Variants in HLA-E observed in about 807,000 individuals in gnomAD.
HLA-E encodes the protein major histocompatibility complex, class I, E, also known as HLA class I histocompatibility antigen, alpha chain E.
Under a neutral mutation model 43.4 loss-of-function variants are expected in HLA-E, and 25 were observed. The ratio of observed to expected loss-of-function variants is 0.58; its 90% CI spans 0.42 to 0.80. The LOEUF (loss-of-function observed/expected upper bound fraction) is 0.80. HLA-E is among the 30% of genes least tolerant of loss of function. HLA-E has a pLI of 0.00. For synonymous variants in HLA-E, 161 were observed against 197.6 expected (o/e 0.81, Z 1.55); for missense variants, 343 against 470.0 (o/e 0.73, Z 2.50).
rs560973068 is a variant in HLA-E, at chr6:30,490,053, C to A, written c.334+58C>A. 6.5e-7 allele frequency: 1 copy of A among 1,540,836 alleles called. No homozygotes were observed. Among genetic ancestry groups the A allele is most frequent in the African/African-American group, 1.4e-5 (1 of 73,390 alleles). On this transcript the variant is annotated intron_variant, in intron 2 of 7. Coordinates refer to ENST00000376630, the MANE Select transcript of HLA-E (RefSeq NM_005516.6). This position sits in a 1 kb window ranked among gnomAD's most constrained non-coding sequence, Gnocchi z 6.6. ...ACCCCTCCCCATCCCCCACGGACGGCGCGGGTCCCCTCGAATCTTCGGGTC... is the reference window on the plus strand; with the variant it reads ...ACCCCTCCCCATCCCCCACGGACGGAGCGGGTCCCCTCGAATCTTCGGGTC...
Position 30,491,712 on chromosome 6 carries a change from C to T in HLA-E, c.1003+59C>T. 1 of 1,412,364 alleles carries T rather than the reference C, an allele frequency of 7.1e-7. No individual in the cohort carries two copies. The highest frequency in any genetic ancestry group is 1.4e-5 in the African/African-American group (1 of 70,742). 87.5% of individuals were successfully genotyped at this position (1,412,364 alleles called of 1,614,324 possible). A position where few individuals can be genotyped will look rare whatever the true frequency, so the allele number is the denominator to read the frequency against. ...CTTGTCCCACTGGGTGTTTCAAGCC[C>T]TAGGTAAAAGTGTGTCCTGCCTCGT... On this transcript the variant is annotated intron_variant, in intron 5 of 7. Transcript: ENST00000376630. This position sits in a 1 kb window ranked among gnomAD's most constrained non-coding sequence, Gnocchi z 5.4.
chr6:30,489,820 G>T lies in HLA-E; in HGVS notation c.159G>T (p.Gln53His). The T allele has an allele frequency of 6.2e-7, 1 of 1,613,036 alleles. No homozygotes were observed. Among genetic ancestry groups the T allele is most frequent in the Non-Finnish European group, 8.5e-7 (1 of 1,179,986 alleles). ...CTGTGGGCTACGTGGACGACACCCA[G>T]TTCGTGCGCTTCGACAACGACGCCG... ...FISVGYVDDT[Q>H]FVRFDNDAAS... Residue 53 changes from glutamine to histidine, a missense_variant, in exon 2 of 8, where the codon CAG becomes CAT. Around this residue, in one of 3 missense-constraint regions of HLA-E, gnomAD observed 94 missense variants for 144.4 expected, o/e 0.65. Coordinates refer to ENST00000376630, the MANE Select transcript of HLA-E (RefSeq NM_005516.6). This position sits in a 1 kb window ranked among gnomAD's most constrained non-coding sequence, Gnocchi z 5.6.
Position 30,492,444 on chromosome 6 carries a change from C to T in HLA-E, c.1036+8C>T, listed in dbSNP as rs144139636. ...GCTACTCTAAGGCTGAGTGTAAGTG[C>T]GGGGCGGGAGCGTGGAGGAGCTCGC... On this transcript the variant is annotated splice_region_variant and intron_variant, in intron 6 of 7. Coordinates refer to ENST00000376630, the MANE Select transcript of HLA-E (RefSeq NM_005516.6). This position sits in a 1 kb window ranked among gnomAD's most constrained non-coding sequence, Gnocchi z 4.5. The T allele has an allele frequency of 7.8e-5, 126 of 1,613,972 alleles. No individual in the cohort carries two copies. Among genetic ancestry groups the T allele is most frequent in the African/African-American group, 2.1e-4 (16 of 74,980 alleles).
rs1796490657 is a variant in HLA-E, at chr6:30,490,862, G to T, written c.611-275G>T. ...CAGCCCCACACCAAGAGTTTTTGGA[G>T]GTCTGACTCCAGCTTTTCTCAGTCA... On this transcript the variant is annotated intron_variant, in intron 3 of 7. Coordinates refer to ENST00000376630, the MANE Select transcript of HLA-E (RefSeq NM_005516.6). The surrounding 1 kb of genome is among the most constrained non-coding windows in gnomAD (Gnocchi z 6.6). 1.3e-5 allele frequency among the ~76,000 whole-genome samples: 2 copies of T among 152,124 alleles called. No individual in the cohort carries two copies. Among genetic ancestry groups the T allele is most frequent in the Admixed American group, 6.5e-5 (1 of 15,272 alleles).
In HLA-E at chr6:30,491,803, TC is replaced by T; in HGVS notation, c.1003+151del. The T allele has an allele frequency of 3.1e-6, 2 of 648,840 alleles. No individual in the cohort carries two copies. Among genetic ancestry groups the T allele is most frequent in the Admixed American group, 2.7e-5 (1 of 36,846 alleles). The allele number at this position is 648,840 out of a possible 1,614,324, so 40.2% of individuals were successfully genotyped here. On this transcript the variant is annotated intron_variant, in intron 5 of 7. Coordinates refer to ENST00000376630, the MANE Select transcript of HLA-E (RefSeq NM_005516.6). This position sits in a 1 kb window ranked among gnomAD's most constrained non-coding sequence, Gnocchi z 5.4. The stretch of plus-strand genomic sequence containing the variant: ...TGGGGCCCTGTGTGCCAGCACCTAC[TC>T]TTTTTTTTTGAGACGGAGTCTTGGC...
At position 30,492,509 on chromosome 6, in the gene HLA-E, T is replaced by C. The variant is rs1796616638; in HGVS notation, c.1037-32T>C. ...CTCCTGCACCACATCTCCTGTGGGC[T>C]CTGACCAGGTCTTGTTTTTGTTCTA... is the stretch of plus-strand genomic sequence containing the variant. On this transcript the variant is annotated intron_variant, in intron 6 of 7. Coordinates refer to ENST00000376630, the MANE Select transcript of HLA-E (RefSeq NM_005516.6). The surrounding 1 kb of genome is among the most constrained non-coding windows in gnomAD (Gnocchi z 4.5). 6.2e-7 allele frequency: 1 copy of C among 1,613,986 alleles called. No homozygotes were observed. The highest frequency in any genetic ancestry group is 1.3e-5 in the African/African-American group (1 of 74,896).
rs1796670097 is a variant in HLA-E at position 30,493,314 on chromosome 6, TAAAA to T, written c.*572_*575del. ...ATCTCAAAAAATAAAAATTGAAAAA[TAAAA>T]AAAGAACCTGGATCTCAATTTAATT... On this transcript the variant is annotated 3_prime_UTR_variant, in exon 8 of 8. Coordinates refer to ENST00000376630, the MANE Select transcript of HLA-E (RefSeq NM_005516.6). This position sits in a 1 kb window ranked among gnomAD's most constrained non-coding sequence, Gnocchi z 5.5. 1 of 151,884 alleles carries T rather than the reference TAAAA, an allele frequency of 6.6e-6. No individual in the cohort carries two copies. The allele number at this position is 151,884 out of a possible 1,614,324, so 9.4% of individuals were successfully genotyped here. A position where few individuals can be genotyped will look rare whatever the true frequency, so the allele number is the denominator to read the frequency against.
At position 30,492,729 on chromosome 6, in the gene HLA-E, A is replaced by T; in HGVS notation, c.*3-20A>T. 1 of 816,966 alleles carries T rather than the reference A, an allele frequency of 1.2e-6. No individual in the cohort carries two copies. The highest frequency in any genetic ancestry group is 1.7e-5 in the African/African-American group (1 of 58,258). The allele number at this position is 816,966 out of a possible 1,614,324, so 50.6% of individuals were successfully genotyped here. ...TACCGTGACTGACCTGAATTTGTTCATGACTATTTTCTTCTGTAGCCTGAG... is the reference window on the plus strand; with the variant it reads ...TACCGTGACTGACCTGAATTTGTTCTTGACTATTTTCTTCTGTAGCCTGAG... On this transcript the variant is annotated intron_variant, in intron 7 of 7. Transcript: ENST00000376630. This position sits in a 1 kb window ranked among gnomAD's most constrained non-coding sequence, Gnocchi z 4.5.
Position 30,491,700 on chromosome 6 carries a change from GTGTT to G in HLA-E, c.1003+49_1003+52del. 6.8e-7 allele frequency: 1 copy of G among 1,480,506 alleles called. No homozygotes were observed. The highest frequency in any genetic ancestry group is 9.4e-7 in the Non-Finnish European group (1 of 1,069,312). 91.7% of individuals were successfully genotyped at this position (1,480,506 alleles called of 1,614,324 possible). On this transcript the variant is annotated intron_variant, in intron 5 of 7. Transcript: ENST00000376630. This position sits in a 1 kb window ranked among gnomAD's most constrained non-coding sequence, Gnocchi z 5.4. ...GGTCTGAGTTTTCTTGTCCCACTGG[GTGTT>G]TCAAGCCCTAGGTAAAAGTGTGTCC...
In HLA-E at chr6:30,489,678, C is replaced by T; in HGVS notation, c.65-48C>T. Reference sequence around the variant, plus strand: ...GGCGGGGGCGAAGGACTCGGGGAGCCGCGCCGGGAGGAGGGTCGGGCCGAT... The same window carrying T: ...GGCGGGGGCGAAGGACTCGGGGAGCTGCGCCGGGAGGAGGGTCGGGCCGAT... On this transcript the variant is annotated intron_variant, in intron 1 of 7. Transcript: ENST00000376630. The surrounding 1 kb of genome is among the most constrained non-coding windows in gnomAD (Gnocchi z 5.6). The T allele has an allele frequency of 6.2e-7, 1 of 1,610,316 alleles. No individual in the cohort carries two copies. Among genetic ancestry groups the T allele is most frequent in the Middle Eastern group, 1.9e-4 (1 of 5,376 alleles).
At position 30,491,568 on chromosome 6, in the gene HLA-E, G is replaced by C. The variant is rs765990076; in HGVS notation, c.918G>C (p.Val306=). The C allele has an allele frequency of 2.7e-5, 44 of 1,613,604 alleles. No individual in the cohort carries two copies. Among genetic ancestry groups the C allele is most frequent in the Non-Finnish European group, 3.5e-5 (41 of 1,179,992 alleles). The change falls in exon 5 of 8, where the codon GTG becomes GTC. Residue 306 remains valine, a synonymous_variant. Coordinates refer to ENST00000376630, the MANE Select transcript of HLA-E (RefSeq NM_005516.6). The surrounding 1 kb of genome is among the most constrained non-coding windows in gnomAD (Gnocchi z 5.4). The part of the protein sequence containing the change: ...KPASQPTIPI[V]GIIAGLVLLG... ...CTTCCCAGCCCACCATCCCCATCGT[G>C]GGCATCATTGCTGGCCTGGTTCTCC...
At position 30,491,357 on chromosome 6, in the gene HLA-E, A is replaced by C; in HGVS notation, c.831A>C (p.Arg277Ser). 6.2e-7 allele frequency: 1 copy of C among 1,614,130 alleles called. No individual in the cohort carries two copies. Among genetic ancestry groups the C allele is most frequent in the Non-Finnish European group, 8.5e-7 (1 of 1,180,014 alleles). The part of the protein sequence containing the change: ...AVVVPSGEEQ[R>S]YTCHVQHEGL... Reference sequence around the variant, plus strand: ...TGGTGCCTTCTGGAGAGGAGCAGAGATACACGTGCCATGTGCAGCATGAGG... The same window carrying C: ...TGGTGCCTTCTGGAGAGGAGCAGAGCTACACGTGCCATGTGCAGCATGAGG... Residue 277 changes from arginine (R) to serine (S), a missense_variant, in exon 4 of 8, where the codon AGA becomes AGC. By Grantham distance (110) the Arg-to-Ser change is moderately radical. Transcript: ENST00000376630. The surrounding 1 kb of genome is among the most constrained non-coding windows in gnomAD (Gnocchi z 5.4).
At position 30,489,657 on chromosome 6, in the gene HLA-E, G is replaced by C; in HGVS notation, c.64+62G>C. 1.2e-6 allele frequency: 2 copies of C among 1,607,208 alleles called. No individual in the cohort carries two copies. Among genetic ancestry groups the C allele is most frequent in the Non-Finnish European group, 8.5e-7 (1 of 1,176,516 alleles). Reference sequence around the variant, plus strand: ...GGAGTAGAGAGGGGCCGGCCCGGCGGGGGCGAAGGACTCGGGGAGCCGCGC... The same window carrying C: ...GGAGTAGAGAGGGGCCGGCCCGGCGCGGGCGAAGGACTCGGGGAGCCGCGC... On this transcript the variant is annotated intron_variant, in intron 1 of 7. Transcript: ENST00000376630. This position sits in a 1 kb window ranked among gnomAD's most constrained non-coding sequence, Gnocchi z 5.6.
In HLA-E at chr6:30,491,242, A is replaced by C; in HGVS notation, c.716A>C (p.Gln239Pro). The C allele has an allele frequency of 1.9e-6, 3 of 1,614,078 alleles. No homozygotes were observed. In the African/African-American group the frequency reaches 4.0e-5, roughly 22 times the overall value. Residue 239 changes from glutamine (Q) to proline (P), a missense_variant, in exon 4 of 8, where the codon CAG becomes CCG. Around this residue, in one of 3 missense-constraint regions of HLA-E, gnomAD observed 190 missense variants for 283.6 expected, o/e 0.67. Transcript: ENST00000376630. This position sits in a 1 kb window ranked among gnomAD's most constrained non-coding sequence, Gnocchi z 5.4. ...CCTGCGGAGATCACACTGACCTGGC[A>C]GCAGGATGGGGAGGGCCATACCCAG... ...FYPAEITLTW[Q>P]QDGEGHTQDT...
Position 30,493,000 on chromosome 6 carries a change from A to G in HLA-E, c.*254A>G, listed in dbSNP as rs1280849207. The G allele has an allele frequency of 4.8e-6, 1 of 210,170 alleles. No homozygotes were observed. The highest frequency in any genetic ancestry group is 1.3e-4 in the East Asian group (1 of 7,432). The allele number at this position is 210,170 out of a possible 1,614,324, so 13.0% of individuals were successfully genotyped here. On this transcript the variant is annotated 3_prime_UTR_variant, in exon 8 of 8. Coordinates refer to ENST00000376630, the MANE Select transcript of HLA-E (RefSeq NM_005516.6). This position sits in a 1 kb window ranked among gnomAD's most constrained non-coding sequence, Gnocchi z 4.5. ...CTTCCCTGTTCTCTTTTCTATTAAA[A>G]ATAAGAACCTGGGCAGAGTGCGGCA...
Position 30,490,452 on chromosome 6 carries a change from GAC to G in HLA-E, c.551_552del (p.Thr184MetfsTer33). The G allele has an allele frequency of 6.2e-7, 1 of 1,613,138 alleles. No homozygotes were observed. The highest frequency in any genetic ancestry group is 1.1e-5 in the South Asian group (1 of 91,088). The part of the protein sequence containing the change: ...EAEHQRAYLE[D>X]TCVEWLHKYL... ...GGAGCACCAGAGAGCCTACCTGGAA[GAC>G]ACATGCGTGGAGTGGCTCCACAAAT... On this transcript the variant is annotated frameshift_variant, in exon 3 of 8. Transcript: ENST00000376630. LOFTEE classifies it high-confidence loss of function. The surrounding 1 kb of genome is among the most constrained non-coding windows in gnomAD (Gnocchi z 6.6).
At position 30,489,717 on chromosome 6, in the gene HLA-E, C is replaced by T; in HGVS notation, c.65-9C>T. 1 of 1,612,246 alleles carries T rather than the reference C, an allele frequency of 6.2e-7. No individual in the cohort carries two copies. Reference sequence around the variant, plus strand: ...GGTCGGGCCGATCTCAGCCCCTCCTCGCCCCCAGGCTCCCACTCCTTGAAG... The same window carrying T: ...GGTCGGGCCGATCTCAGCCCCTCCTTGCCCCCAGGCTCCCACTCCTTGAAG... On this transcript the variant is annotated splice_polypyrimidine_tract_variant and intron_variant, in intron 1 of 7. Coordinates refer to ENST00000376630, the MANE Select transcript of HLA-E (RefSeq NM_005516.6). This position sits in a 1 kb window ranked among gnomAD's most constrained non-coding sequence, Gnocchi z 5.6.
chr6:30,491,519 G>A lies in HLA-E; in HGVS notation c.887-18G>A, dbSNP rs200270359. ...AGGCCTGGGGGTCAGGGCCCCTTACGTTCCCCTCTTTTCCCAGAGCCGGCT... is the reference window on the plus strand; with the variant it reads ...AGGCCTGGGGGTCAGGGCCCCTTACATTCCCCTCTTTTCCCAGAGCCGGCT... On this transcript the variant is annotated intron_variant, in intron 4 of 7. Coordinates refer to ENST00000376630, the MANE Select transcript of HLA-E (RefSeq NM_005516.6). The surrounding 1 kb of genome is among the most constrained non-coding windows in gnomAD (Gnocchi z 5.4). 2.1e-3 allele frequency: 3,345 copies of A among 1,612,270 alleles called. 8 individuals carry two copies. The highest frequency in any genetic ancestry group is 2.5e-3 in the Non-Finnish European group (2,940 of 1,179,092).
Position 30,489,748 on chromosome 6 carries a change from C to G in HLA-E, c.87C>G (p.Phe29Leu). ...CAGGCTCCCACTCCTTGAAGTATTT[C>G]CACACTTCCGTGTCCCGGCCCGGCC... ...TWAGSHSLKY[F>L]HTSVSRPGRG... Residue 29 changes from phenylalanine (F) to leucine (L), a missense_variant, in exon 2 of 8, where the codon TTC becomes TTG. By Grantham distance (22) the Phe-to-Leu change is conservative. This residue lies in a region of HLA-E where 94 missense variants were observed against 144.4 expected (regional missense o/e 0.65). Transcript: ENST00000376630. The surrounding 1 kb of genome is among the most constrained non-coding windows in gnomAD (Gnocchi z 5.6). 1.2e-6 allele frequency: 2 copies of G among 1,612,668 alleles called. No individual in the cohort carries two copies. The highest frequency in any genetic ancestry group is 1.7e-6 in the Non-Finnish European group (2 of 1,179,912).
Sources: gnomAD v4.1 joint callset for allele counts (sites outside exome capture counted in the v4.1 genomes callset) on GRCh38, gnomAD v4.1.1 for gene constraint, gnomAD v4.1.1 regional missense constraint, Gnocchi (gnomAD v3.1) non-coding constraint, MANE v1.5 for transcripts, NCBI Gene and HGNC (gene_info 2026-07-23, HGNC 2026-07-21) for gene names.